The following GRID1 variants were observed in gnomAD, a reference collection of about 807,000 sequenced individuals.
GRID1 encodes glutamate receptor ionotropic, delta-1.
GRID1 carries 28 observed loss-of-function variants against 98.0 expected under a neutral mutation model. That is an observed-to-expected ratio of 0.29 (90% CI 0.21 to 0.39). The LOEUF is 0.39. GRID1 is among the 10% of genes least tolerant of loss of function. The pLI, the probability that GRID1 is intolerant of heterozygous loss-of-function variation, is 1.00. For missense variants in GRID1, 1,111 were observed against 1,340.5 expected (o/e 0.83, Z 2.67); for synonymous variants, 553 against 538.5 (o/e 1.03, Z -0.37).
chr10:86,072,480 G>A (rs907838668), intron 4 of GRID1, among the ~76,000 whole-genome samples: 7 of 151,340 alleles, frequency 4.6e-5, no homozygotes, highest in South Asian at 2.1e-4. Context: ...CTACTCTTTC[G>A]TTTTTTTTTA....
chr10:85,823,054 G>C (rs1359112666), intron 8 of GRID1, among the ~76,000 whole-genome samples: 2 of 152,238 alleles, frequency 1.3e-5, no homozygotes, highest in African/African-American at 4.8e-5. Context: ...GCGGGGAGGG[G>C]GTAGGGATAG....
intron 15 of GRID1, 121 bp downstream of exon 15, chr10:85,613,286 C>T (rs1842752987): frequency 2.1e-6 from 2 of 944,880 alleles, no homozygotes; most frequent in East Asian, 2.7e-5. Context: ...TAAAACACTG[C>T]TGCCTCCAGA....
intron 12 of GRID1, among the ~76,000 whole-genome samples, chr10:85,700,774 T>C (rs1379372337): frequency 6.6e-6 from 1 of 152,156 alleles, no homozygotes; most frequent in African/African-American, 2.4e-5. Context: ...CTTAATGTAA[T>C]TGATAAGTGA....
intron 4 of GRID1, among the ~76,000 whole-genome samples, chr10:85,962,031 G>A (rs1842274707): frequency 1.3e-5 from 2 of 152,292 alleles, no homozygotes; most frequent in African/African-American, 4.8e-5. Context: ...GAAAGAAGGA[G>A]GAAGGGAATG....
At chr10:86,074,462 C>A (rs1008479047) in intron 4 of GRID1, among the ~76,000 whole-genome samples, 4 of 152,062 alleles carry the variant, frequency 2.6e-5, no homozygotes, top group Non-Finnish European at 4.4e-5. Context: ...AAGATAATGA[C>A]CTAATTTATG....
intron 3 of GRID1, among the ~76,000 whole-genome samples, chr10:86,196,515 A>G (rs550839678): frequency 1.1e-4 from 17 of 152,230 alleles, no homozygotes; most frequent in Admixed American, 6.5e-4. Context: ...AAGAGTTGCC[A>G]GTGTGCCCAG....
At position 85,728,069 on chromosome 10, in the gene GRID1, G is replaced by A. The variant is rs766351209; in HGVS notation, c.1336-17C>T. The stretch of plus-strand genomic sequence containing the variant: ...AGGCTCTTCCTGAGGACAACAGAAT[G>A]AAGGTTCTCCAATTAAATAACAGGT... On this transcript the variant is annotated splice_polypyrimidine_tract_variant and intron_variant, in intron 9 of 15. Coordinates refer to ENST00000327946, the MANE Select transcript of GRID1 (RefSeq NM_017551.3). 3 of 1,550,246 alleles carry A rather than the reference G, an allele frequency of 1.9e-6. No homozygotes were observed. In the South Asian group the frequency reaches 3.3e-5, roughly 17 times the overall value.
intron 4 of GRID1, among the ~76,000 whole-genome samples, chr10:86,045,985 G>T (rs985436915): frequency 3.9e-5 from 6 of 152,160 alleles, no homozygotes; most frequent in Admixed American, 1.3e-4. Flanking sequence ...TGATTTTGAA[G>T]TAGGAGGTGG....
chr10:85,966,668 G>A (rs927953828), intron 4 of GRID1, among the ~76,000 whole-genome samples: 1 of 152,016 alleles, frequency 6.6e-6, no homozygotes, highest in African/African-American at 2.4e-5. Context: ...ATAAAAATTA[G>A]CTGGACATGG....
intron 5 of GRID1, among the ~76,000 whole-genome samples, chr10:85,872,615 C>T (rs375498978): frequency 1.2e-4 from 18 of 152,244 alleles, no homozygotes; most frequent in Admixed American, 6.5e-4. Context: ...GAGTGAGTGG[C>T]TAAGTGGGCC....
At chr10:86,165,775 G>C (rs952841384) in intron 3 of GRID1, among the ~76,000 whole-genome samples, 1 of 152,150 alleles carries the variant, frequency 6.6e-6, no homozygotes, top group Non-Finnish European at 1.5e-5. Flanking sequence ...GTGCTCAGGG[G>C]AGGAAACCAA....
At chr10:85,879,864 T>C (rs894399204) in intron 5 of GRID1, among the ~76,000 whole-genome samples, 1 of 151,942 alleles carries the variant, frequency 6.6e-6, no homozygotes, top group African/African-American at 2.4e-5. Flanking sequence ...ACAAAATTGA[T>C]AGACCGCTAG....
chr10:86,325,882 G>A (rs556991646), intron 2 of GRID1, among the ~76,000 whole-genome samples: 1 of 152,316 alleles, frequency 6.6e-6, no homozygotes, highest in South Asian at 2.1e-4. Context: ...CATTGTCCCA[G>A]ACAACGTGAC....
intron 2 of GRID1, among the ~76,000 whole-genome samples, chr10:86,212,102 G>A (rs1301603946): frequency 3.3e-5 from 5 of 152,174 alleles, no homozygotes; most frequent in South Asian, 2.1e-4. Context: ...CTCCATCCCC[G>A]TGGGGATTTC....
At chr10:85,917,128 G>A (rs780880773) in intron 4 of GRID1, among the ~76,000 whole-genome samples, 2 of 152,162 alleles carry the variant, frequency 1.3e-5, no homozygotes, top group African/African-American at 2.4e-5. Flanking sequence ...GGAAGAATTG[G>A]AAGAGACTGA....
chr10:86,224,974 A>G (rs1846317447), intron 2 of GRID1, among the ~76,000 whole-genome samples: 1 of 152,224 alleles, frequency 6.6e-6, no homozygotes, highest in South Asian at 2.1e-4. Flanking sequence ...AGGCCACTTC[A>G]GGGTCCCCAA....
chr10:86,118,497 A>T (rs868515155), intron 4 of GRID1, among the ~76,000 whole-genome samples: 103 of 152,328 alleles, frequency 6.8e-4, no homozygotes, highest in Middle Eastern at 3.4e-3. Flanking sequence ...AAACAAAAAA[A>T]TTTTAAAAAT....
chr10:85,920,108 C>T (rs1841681741), intron 4 of GRID1, among the ~76,000 whole-genome samples: 1 of 152,128 alleles, frequency 6.6e-6, no homozygotes. Context: ...CAGGATGGAG[C>T]CAAAATCACC....
intron 4 of GRID1, among the ~76,000 whole-genome samples, chr10:86,119,564 T>C (rs149489978): frequency 1.3e-5 from 2 of 152,282 alleles, no homozygotes; most frequent in East Asian, 3.9e-4. Context: ...CTAAATTCTA[T>C]AGGATACACT....
Sources: allele counts gnomAD v4.1 joint callset (sites outside exome capture counted in the v4.1 genomes callset), GRCh38; gene constraint gnomAD v4.1.1; transcripts MANE v1.5; gene names NCBI Gene and HGNC (gene_info 2026-07-23, HGNC 2026-07-21).